Variants in CACNA1C observed in about 807,000 individuals in gnomAD.
The protein encoded by CACNA1C is calcium voltage-gated channel subunit alpha1 C.
In CACNA1C, 30 loss-of-function variants were observed where a neutral mutation model predicts 229.0. The ratio of observed to expected loss-of-function variants is 0.13; its 90% CI spans 0.10 to 0.18. CACNA1C has a LOEUF of 0.18. Among genes scored for constraint, CACNA1C ranks in the 10% least tolerant of loss-of-function variants. The pLI is 1.00. For synonymous variants in CACNA1C, 1,114 were observed against 1,132.5 expected (o/e 0.98, Z 0.33); for missense variants, 1,658 against 2,845.0 (o/e 0.58, Z 9.49).
At chr12:2,518,390 T>C (rs2099802194) in intron 9 of CACNA1C, among the ~76,000 whole-genome samples, 2 of 152,002 alleles carry the variant, frequency 1.3e-5, no homozygotes, top group African/African-American at 2.4e-5. Context: ...GGGTGGATCA[T>C]GAGGTCAGGA....
chr12:2,267,003 T>C (rs1439642488), intron 3 of CACNA1C, among the ~76,000 whole-genome samples: 2 of 152,240 alleles, frequency 1.3e-5, no homozygotes, highest in Non-Finnish European at 2.9e-5. Flanking sequence ...AGGACCTTTC[T>C]TCCTTTCCTT....
At chr12:2,456,819 G>T (rs996104859) in intron 4 of CACNA1C, among the ~76,000 whole-genome samples, 1 of 152,184 alleles carries the variant, frequency 6.6e-6, no homozygotes, top group African/African-American at 2.4e-5. Flanking sequence ...TCAGTTTATT[G>T]TCTGTCTCCC....
chr12:2,203,821 T>C (rs1368618938), intron 3 of CACNA1C, among the ~76,000 whole-genome samples: 2 of 152,124 alleles, frequency 1.3e-5, no homozygotes, highest in Non-Finnish European at 2.9e-5. Flanking sequence ...GAGAGCTTGC[T>C]AGACAGAGCC....
Position 2,107,049 on chromosome 12 carries a change from G to A in CACNA1C, c.50-8175G>A, listed in dbSNP as rs1281464731. Among the ~76,000 whole-genome samples the A allele has an allele frequency of 5.5e-5, 5 of 91,506 alleles. 1 individual carries two copies. The highest frequency in any genetic ancestry group is 1.2e-4 in the Non-Finnish European group (5 of 40,558). 60.0% of individuals were successfully genotyped at this position (91,506 alleles called of 152,430 possible). On this transcript the variant is annotated intron_variant, in intron 1 of 46. Coordinates refer to ENST00000399655, the MANE Select transcript of CACNA1C (RefSeq NM_000719.7). ...GGAGGTTTTCCACCTCAGCTGGGGTGTCCTGAAACCACTGGGTGCTCACCC... is the reference window on the plus strand; with the variant it reads ...GGAGGTTTTCCACCTCAGCTGGGGTATCCTGAAACCACTGGGTGCTCACCC...
At chr12:2,325,064 C>G (rs2096228744) in intron 3 of CACNA1C, among the ~76,000 whole-genome samples, 1 of 152,182 alleles carries the variant, frequency 6.6e-6, no homozygotes, top group South Asian at 2.1e-4. Context: ...TCTGCCTGGA[C>G]CTGGGCTCTC....
Position 2,653,457 on chromosome 12 carries a change from A to G in CACNA1C, c.4075-378A>G, listed in dbSNP as rs1342530586. 1.3e-5 allele frequency among the ~76,000 whole-genome samples: 2 copies of G among 152,316 alleles called. No individual in the cohort carries two copies. Among genetic ancestry groups the G allele is most frequent in the Middle Eastern group, 3.4e-3 (1 of 294 alleles). On this transcript the variant is annotated intron_variant, in intron 32 of 46. Coordinates refer to ENST00000399655, the MANE Select transcript of CACNA1C (RefSeq NM_000719.7). This position sits in a 1 kb window ranked among gnomAD's most constrained non-coding sequence, Gnocchi z 4.7. Reference sequence around the variant, plus strand: ...GTGTAAAGAAAGGGTGTAACTTGCCACCACCCCACTCCTCCACAGGTAACC... The same window carrying G: ...GTGTAAAGAAAGGGTGTAACTTGCCGCCACCCCACTCCTCCACAGGTAACC...
At chr12:2,554,584 A>G (rs1175563615) in intron 10 of CACNA1C, among the ~76,000 whole-genome samples, 1 of 152,180 alleles carries the variant, frequency 6.6e-6, no homozygotes, top group Non-Finnish European at 1.5e-5. Context: ...GACCAGCACC[A>G]TGGCACCAAG....
At position 2,575,129 on chromosome 12, in the gene CACNA1C, A is replaced by G. The variant is rs2057935830; in HGVS notation, c.1896-6461A>G. On this transcript the variant is annotated intron_variant, in intron 13 of 46. Coordinates refer to ENST00000399655, the MANE Select transcript of CACNA1C (RefSeq NM_000719.7). The surrounding 1 kb of genome is among the most constrained non-coding windows in gnomAD (Gnocchi z 4.0). ...ACTCCCCATGCAGGTTCCGTTCTTAATGTGACCGAGACATCTGCTGCAAAC... is the reference window on the plus strand; with the variant it reads ...ACTCCCCATGCAGGTTCCGTTCTTAGTGTGACCGAGACATCTGCTGCAAAC... Among the ~76,000 whole-genome samples the G allele has an allele frequency of 6.6e-6, 1 of 152,186 alleles. No individual in the cohort carries two copies. Among genetic ancestry groups the G allele is most frequent in the Non-Finnish European group, 1.5e-5 (1 of 68,030 alleles).
chr12:2,230,797 T>G (rs1376228580), intron 3 of CACNA1C, among the ~76,000 whole-genome samples: 1 of 152,186 alleles, frequency 6.6e-6, no homozygotes, highest in Non-Finnish European at 1.5e-5. Flanking sequence ...TTGCACAAGG[T>G]CCTGTTCTGA....
chr12:1,996,629 AAAAAAAAAAAAAAAAAAAAAAAAAAAC>A (rs1203407228), intron 1 of CACNA1C, among the ~76,000 whole-genome samples: 6 of 84,020 alleles, frequency 7.1e-5, no homozygotes, highest in African/African-American at 3.1e-4. Context: ...AAAAAAAAAA[AAAAAAAAAAAAAAAAAAAAAAAAAAAC>A]AACAAACTCT....
intron 1 of CACNA1C, among the ~76,000 whole-genome samples, chr12:1,981,464 A>G (rs1316945775): frequency 6.6e-6 from 1 of 152,220 alleles, no homozygotes; most frequent in East Asian, 1.9e-4. Flanking sequence ...AGGTGCCTGC[A>G]CTCTAACAGA....
At chr12:2,148,650 C>T (rs574053788) in intron 3 of CACNA1C, among the ~76,000 whole-genome samples, 13 of 151,320 alleles carry the variant, frequency 8.6e-5, no homozygotes, top group African/African-American at 2.7e-4. Flanking sequence ...TGGGCTCAAG[C>T]GATCTTCCCA....
chr12:2,511,906 T>A (rs1018721186), intron 8 of CACNA1C, among the ~76,000 whole-genome samples: 2 of 152,242 alleles, frequency 1.3e-5, no homozygotes, highest in African/African-American at 4.8e-5. Context: ...TTAAATCAAA[T>A]GCATCATTTA....
intron 9 of CACNA1C, among the ~76,000 whole-genome samples, chr12:2,531,973 C>G (rs539423438): frequency 6.6e-6 from 1 of 152,308 alleles, no homozygotes; most frequent in South Asian, 2.1e-4. Context: ...CAAGCCTCAG[C>G]TGCTGGAAGG....
intron 3 of CACNA1C, among the ~76,000 whole-genome samples, chr12:2,280,291 A>G (rs4765912): frequency 0.043 from 2,631 of 61,238 alleles, 5 homozygotes; most frequent in Middle Eastern, 0.098. Context: ...GCTTCGGTTT[A>G]ACCTCTTGAT....
chr12:2,399,812 A>G (rs1389956277), intron 3 of CACNA1C, among the ~76,000 whole-genome samples: 1 of 152,176 alleles, frequency 6.6e-6, no homozygotes, highest in African/African-American at 2.4e-5. Flanking sequence ...TATCATCCCC[A>G]TGGGTTTACT....
chr12:2,622,003 T>G (rs182088115), intron 29 of CACNA1C, among the ~76,000 whole-genome samples: 1 of 150,958 alleles, frequency 6.6e-6, no homozygotes, highest in East Asian at 2.0e-4. Context: ...GGGAGAAGAG[T>G]TGGAGAACAT....
chr12:2,056,278 C>T (rs1018512828), intron 1 of CACNA1C, among the ~76,000 whole-genome samples: 19 of 151,298 alleles, frequency 1.3e-4, no homozygotes, highest in African/African-American at 4.4e-4. Flanking sequence ...TGCCTGGGAA[C>T]AGCCTGGAAG....
intron 3 of CACNA1C, among the ~76,000 whole-genome samples, chr12:2,261,763 C>G (rs2080328045): frequency 6.6e-6 from 1 of 152,166 alleles, no homozygotes; most frequent in Non-Finnish European, 1.5e-5. Context: ...ACACACACAA[C>G]AGGTGCTTCT....
Sources: gnomAD v4.1 joint callset for allele counts (sites outside exome capture counted in the v4.1 genomes callset) on GRCh38, gnomAD v4.1.1 for gene constraint, Gnocchi (gnomAD v3.1) non-coding constraint, MANE v1.5 for transcripts, NCBI Gene and HGNC (gene_info 2026-07-23, HGNC 2026-07-21) for gene names.